The following FNIP1 variants were observed in gnomAD, a reference collection of about 807,000 sequenced individuals.
FNIP1 encodes folliculin interacting protein 1, also known as folliculin-interacting protein 1.
Under a neutral mutation model 124.5 loss-of-function variants are expected in FNIP1, and 40 were observed. That is an observed-to-expected ratio of 0.32 (90% confidence interval 0.25 to 0.42). The LOEUF (loss-of-function observed/expected upper bound fraction) is 0.42. FNIP1 is among the 10% of genes least tolerant of loss of function. The pLI is 1.00. For missense variants in FNIP1, 1,176 were observed against 1,403.7 expected, an observed-to-expected ratio of 0.84 and a Z score of 2.59; for synonymous variants, 472 against 470.6, an observed-to-expected ratio of 1.00 and a Z score of -0.04.
chr5:131,793,552 A>G (rs1056830671), intron 1 of FNIP1, among the ~76,000 whole-genome samples: 2 of 152,230 alleles, frequency 1.3e-5, no homozygotes, highest in African/African-American at 2.4e-5. Flanking sequence ...CAGCTCAAGA[A>G]TCTTAGATAA....
At chr5:131,717,063 G>A (rs1388464413) in intron 5 of FNIP1, among the ~76,000 whole-genome samples, 2 of 151,842 alleles carry the variant, frequency 1.3e-5, no homozygotes, top group Non-Finnish European at 2.9e-5. Context: ...ATGTATACAT[G>A]TCCCATGTTG....
At chr5:131,716,472 A>G (rs1769469023) in intron 6 of FNIP1, 93 bp downstream of exon 6, 2 of 743,490 alleles carry the variant, frequency 2.7e-6, no homozygotes, top group East Asian at 2.7e-5. Flanking sequence ...CTTTGTTATC[A>G]TGACAGATCT....
In FNIP1 at chr5:131,705,782, G is replaced by C. The variant is rs145552492; in HGVS notation, c.914+629C>G. Among the ~76,000 whole-genome samples the C allele has an allele frequency of 3.8e-3, 571 of 152,230 alleles. 4 individuals are homozygous for C. The highest frequency in any genetic ancestry group is 0.013 in the African/African-American group (541 of 41,538). Reference sequence around the variant, plus strand: ...AGTATTGAAAATGGGGACTCGAACAGATACTTGCACACTCATGTTCAGAGC... The same window carrying C: ...AGTATTGAAAATGGGGACTCGAACACATACTTGCACACTCATGTTCAGAGC... On this transcript the variant is annotated intron_variant, in intron 9 of 17. Transcript: ENST00000510461.
intron 16 of FNIP1, among the ~76,000 whole-genome samples, chr5:131,650,645 A>C (rs1490580244): frequency 2.0e-5 from 3 of 152,160 alleles, no homozygotes. Flanking sequence ...TAAAACTCTC[A>C]GTAGCATGTT....
At chr5:131,770,486 A>T (rs906924619) in intron 1 of FNIP1, among the ~76,000 whole-genome samples, 9 of 152,180 alleles carry the variant, frequency 5.9e-5, no homozygotes. Flanking sequence ...GATAGGACTA[A>T]TTCACTAACA....
At chr5:131,653,716 T>A (rs536380375) in intron 15 of FNIP1, among the ~76,000 whole-genome samples, 1 of 152,308 alleles carries the variant, frequency 6.6e-6, no homozygotes, top group African/African-American at 2.4e-5. Flanking sequence ...ACTCTGTATA[T>A]CTTTATACTG....
chr5:131,721,094 A>C (rs1295604961), intron 3 of FNIP1, among the ~76,000 whole-genome samples: 1 of 152,244 alleles, frequency 6.6e-6, no homozygotes, highest in Non-Finnish European at 1.5e-5. Context: ...GTCCACTGAC[A>C]GATGCATGGA....
intron 1 of FNIP1, among the ~76,000 whole-genome samples, chr5:131,780,276 T>C (rs539008600): frequency 2.0e-5 from 3 of 152,156 alleles, no homozygotes; most frequent in Admixed American, 6.5e-5. Context: ...AGTAACTACA[T>C]CCTAAATGTC....
At chr5:131,783,846 TAAAGATAGAAC>T (rs1405572158) in intron 1 of FNIP1, among the ~76,000 whole-genome samples, 3 of 151,976 alleles carry the variant, frequency 2.0e-5, no homozygotes, top group African/African-American at 7.2e-5. Context: ...CAACCAAGCA[TAAAGATAGAAC>T]AAAGACATTT....
At chr5:131,658,566 G>A (rs1305241195) in intron 15 of FNIP1, among the ~76,000 whole-genome samples, 1 of 151,920 alleles carries the variant, frequency 6.6e-6, no homozygotes, top group African/African-American at 2.4e-5. Context: ...CAAAAGGGGG[G>A]CCACAAAGGC....
At chr5:131,691,395 T>A (rs1367345602) in intron 11 of FNIP1, among the ~76,000 whole-genome samples, 1 of 152,128 alleles carries the variant, frequency 6.6e-6, no homozygotes. Flanking sequence ...AAAGAAGATC[T>A]AAAATCAACG....
intron 13 of FNIP1, among the ~76,000 whole-genome samples, chr5:131,673,684 G>T (rs565664290): frequency 6.6e-6 from 1 of 152,252 alleles, no homozygotes; most frequent in South Asian, 2.1e-4. Context: ...AGGAGTAGTG[G>T]TAAAATGGAG....
chr5:131,679,790 T>C (rs1312209778), intron 11 of FNIP1, among the ~76,000 whole-genome samples: 7 of 152,256 alleles, frequency 4.6e-5, no homozygotes, highest in Non-Finnish European at 1.0e-4. Flanking sequence ...CTTAGCTGTC[T>C]CTTGGACTAA....
At chr5:131,644,870 G>T in intron 17 of FNIP1, 107 bp from the exon 18 acceptor site, 1 of 1,064,092 alleles carries the variant, frequency 9.4e-7, no homozygotes, top group Non-Finnish European at 1.4e-6. Flanking sequence ...CAACGGTTAA[G>T]GAGCTAGGCC....
At position 131,719,266 on chromosome 5, in the gene FNIP1, G is replaced by A. The variant is rs370173886; in HGVS notation, c.455+51C>T. 2.6e-4 allele frequency: 403 copies of A among 1,537,294 alleles called. 1 individual carries two copies. Among genetic ancestry groups the A allele is most frequent in the Non-Finnish European group, 3.4e-4 (381 of 1,131,900 alleles). ...CATATAAAATTCTCTCTAAAAAAAC[G>A]AAAATATCTAAAAATGGGACTCGTT... On this transcript the variant is annotated intron_variant, in intron 4 of 17. Transcript: ENST00000510461.
rs571822535 is a variant in FNIP1 at position 131,762,503 on chromosome 5, A to C, written c.93-17813T>G. Reference sequence around the variant, plus strand: ...CAAACAGGTATATGAAAAGGTGCTCAATACCACTGATCATCAGAGAAACGC... The same window carrying C: ...CAAACAGGTATATGAAAAGGTGCTCCATACCACTGATCATCAGAGAAACGC... On this transcript the variant is annotated intron_variant, in intron 1 of 17. Transcript: ENST00000510461. Among the ~76,000 whole-genome samples, 94 of 152,350 alleles carry C rather than the reference A, an allele frequency of 6.2e-4. 1 individual carries two copies. Among genetic ancestry groups the C allele is most frequent in the African/African-American group, 2.2e-3 (91 of 41,592 alleles).
At chr5:131,731,347 T>C (rs1330227490) in intron 2 of FNIP1, among the ~76,000 whole-genome samples, 3 of 152,092 alleles carry the variant, frequency 2.0e-5, no homozygotes, top group African/African-American at 7.2e-5. Context: ...AGTTTTCAAA[T>C]TATTTGGTCT....
chr5:131,772,420 CA>C (rs10579529), intron 1 of FNIP1, among the ~76,000 whole-genome samples: 4,429 of 144,882 alleles, frequency 0.031, 132 homozygotes, highest in African/African-American at 0.067. Flanking sequence ...AAATTCAAAC[CA>C]AAAAAAAAAA....
At chr5:131,731,935 G>A (rs1293819269) in intron 2 of FNIP1, among the ~76,000 whole-genome samples, 2 of 152,188 alleles carry the variant, frequency 1.3e-5, no homozygotes, top group Non-Finnish European at 2.9e-5. Flanking sequence ...CTATACATAT[G>A]TTTATTCTTT....
Sources: gnomAD v4.1 joint callset for allele counts (sites outside exome capture counted in the v4.1 genomes callset) on GRCh38, gnomAD v4.1.1 for gene constraint, MANE v1.5 for transcripts, NCBI Gene and HGNC (gene_info 2026-07-23, HGNC 2026-07-21) for gene names.